The following NALF1 variants were observed in gnomAD, a reference collection of about 807,000 sequenced individuals.
NALF1 encodes the protein family with sequence similarity 155 member A.
A neutral mutation model predicts 48.4 loss-of-function variants in NALF1; 3 were observed. The observed-to-expected ratio is 0.06, with a 90% CI of 0.03 to 0.16. NALF1 has a LOEUF of 0.16. NALF1 is among the 10% of genes least tolerant of loss of function. The probability of loss-of-function intolerance (pLI) is 1.00; values close to 1 mark genes in which losing one functional copy is unlikely to be tolerated. For synonymous variants in NALF1, 262 were observed against 245.7 expected (o/e 1.07, Z -0.62); for missense variants, 526 against 571.5 (o/e 0.92, Z 0.81).
chr13:107,552,896 A>C (rs1209186598), intron 1 of NALF1, among the ~76,000 whole-genome samples: 2 of 152,172 alleles, frequency 1.3e-5, no homozygotes, highest in African/African-American at 2.4e-5. Context: ...AATATTGTGC[A>C]CAATATTAAA....
chr13:107,501,191 C>G (rs983523373), intron 1 of NALF1, among the ~76,000 whole-genome samples: 1 of 152,134 alleles, frequency 6.6e-6, no homozygotes, highest in Admixed American at 6.5e-5. Flanking sequence ...GGCAGAACAG[C>G]AAAAGAAGGA....
intron 1 of NALF1, among the ~76,000 whole-genome samples, chr13:107,859,175 G>A (rs192790317): frequency 8.5e-4 from 130 of 152,282 alleles, no homozygotes; most frequent in South Asian, 1.2e-3. Context: ...AAAACTGAGA[G>A]GTGAAGAGGC....
intron 1 of NALF1, among the ~76,000 whole-genome samples, chr13:107,794,471 GT>G (rs10649905): frequency 0.12 from 16,875 of 142,648 alleles, 1,375 homozygotes; most frequent in Admixed American, 0.25. Flanking sequence ...AGCATGCAGT[GT>G]TTTTTTTTTT....
intron 1 of NALF1, among the ~76,000 whole-genome samples, chr13:107,522,567 T>C (rs1359802525): frequency 6.6e-6 from 1 of 152,014 alleles, no homozygotes; most frequent in East Asian, 1.9e-4. Context: ...TGGTGAATGA[T>C]ATTAAATAAT....
At chr13:107,252,668 G>A (rs1274727606) in intron 1 of NALF1, among the ~76,000 whole-genome samples, 1 of 152,160 alleles carries the variant, frequency 6.6e-6, no homozygotes, top group African/African-American at 2.4e-5. Flanking sequence ...CACTCGGGGT[G>A]GGGGAAAGAG....
At chr13:107,415,529 C>A (rs1445166641) in intron 1 of NALF1, among the ~76,000 whole-genome samples, 1 of 151,850 alleles carries the variant, frequency 6.6e-6, no homozygotes, top group Non-Finnish European at 1.5e-5. Context: ...AACAACATAG[C>A]AGATTTCATT....
rs182844364 is a variant in NALF1 at position 107,394,397 on chromosome 13, A to G, written c.916-183642T>C. On this transcript the variant is annotated intron_variant, in intron 1 of 2. Transcript: ENST00000375915. ...GGTGTTTAAACTCTCTTCTAAATGT[A>G]TAGAGTATATGTGCTGTGACTATAT... Among the ~76,000 whole-genome samples, 581 of 152,284 alleles carry G rather than the reference A, an allele frequency of 3.8e-3. 3 individuals carry two copies. Among genetic ancestry groups the G allele is most frequent in the African/African-American group, 0.014 (562 of 41,576 alleles).
intron 1 of NALF1, among the ~76,000 whole-genome samples, chr13:107,723,158 G>T (rs1876037402): frequency 6.6e-6 from 1 of 152,098 alleles, no homozygotes; most frequent in Admixed American, 6.5e-5. Flanking sequence ...AACTGAGCAT[G>T]CGATTCCTGG....
intron 1 of NALF1, among the ~76,000 whole-genome samples, chr13:107,781,996 T>C (rs1419445060): frequency 6.6e-6 from 1 of 152,212 alleles, no homozygotes; most frequent in East Asian, 1.9e-4. Flanking sequence ...GTTACACTTC[T>C]GTGCAATGGT....
chr13:107,467,461 T>C (rs1224303091), intron 1 of NALF1, among the ~76,000 whole-genome samples: 1 of 151,482 alleles, frequency 6.6e-6, no homozygotes, highest in African/African-American at 2.4e-5. Context: ...ATGTGAAATA[T>C]ATTAAAATTT....
chr13:107,686,824 A>C (rs923757888), intron 1 of NALF1, among the ~76,000 whole-genome samples: 2 of 152,162 alleles, frequency 1.3e-5, no homozygotes, highest in African/African-American at 4.8e-5. Context: ...GGCGTGGAGA[A>C]AAGGATACAC....
chr13:107,207,155 C>T (rs192446920), intron 2 of NALF1, among the ~76,000 whole-genome samples: 2 of 152,170 alleles, frequency 1.3e-5, no homozygotes, highest in East Asian at 1.9e-4. Flanking sequence ...GGTTTCATAA[C>T]CTACTCTCAT....
At chr13:107,708,035 T>C (rs983197482) in intron 1 of NALF1, among the ~76,000 whole-genome samples, 2 of 151,930 alleles carry the variant, frequency 1.3e-5, no homozygotes, top group Non-Finnish European at 2.9e-5. Flanking sequence ...ATGTGTTTTC[T>C]GGATAGCACC....
At chr13:107,643,955 T>C (rs1332151334) in intron 1 of NALF1, among the ~76,000 whole-genome samples, 1 of 141,342 alleles carries the variant, frequency 7.1e-6, no homozygotes, top group African/African-American at 2.6e-5. Context: ...CCACTGAGTT[T>C]CAGATGATTT....
chr13:107,325,267 A>G (rs963141787), intron 1 of NALF1, among the ~76,000 whole-genome samples: 16 of 152,134 alleles, frequency 1.1e-4, no homozygotes, highest in African/African-American at 3.9e-4. Context: ...AATAATATAA[A>G]ATCATATAAT....
rs556795265 is a variant in NALF1 at position 107,357,644 on chromosome 13, A to G, written c.916-146889T>C. On this transcript the variant is annotated intron_variant, in intron 1 of 2. Coordinates refer to ENST00000375915, the MANE Select transcript of NALF1 (RefSeq NM_001080396.3). ...AGCTTTGAAGTATTTGAACAGATAA[A>G]TGAACAGGAAGGGCATGTCAAGAGA... Among the ~76,000 whole-genome samples the G allele has an allele frequency of 3.9e-5, 6 of 152,318 alleles. No homozygotes were observed. The East Asian group carries it at 7.7e-4, about 20-fold the overall frequency.
chr13:107,565,652 C>T lies in NALF1; in HGVS notation c.915+300030G>A, dbSNP rs1050772132. Among the ~76,000 whole-genome samples the T allele has an allele frequency of 1.2e-4, 19 of 152,244 alleles. 1 individual carries two copies. Among genetic ancestry groups the T allele is most frequent in the Admixed American group, 1.0e-3 (16 of 15,290 alleles). ...GGTGATTCTCAGTAGGTTTCAATTT[C>T]CCCATCTGCAAAATGAGACCGTGCC... On this transcript the variant is annotated intron_variant, in intron 1 of 2. Transcript: ENST00000375915.
chr13:107,784,826 A>G (rs978884493), intron 1 of NALF1, among the ~76,000 whole-genome samples: 1 of 152,166 alleles, frequency 6.6e-6, no homozygotes, highest in South Asian at 2.1e-4. Flanking sequence ...TGCAGCCACT[A>G]TGGAAAACTG....
In NALF1 at chr13:107,689,340, T is replaced by A. The variant is rs555863428; in HGVS notation, c.915+176342A>T. Among the ~76,000 whole-genome samples the A allele has an allele frequency of 1.4e-4, 21 of 152,332 alleles. 1 individual carries two copies. The East Asian group carries it at 2.9e-3, about 21-fold the overall frequency. ...TGCTACTGACTACGTTTTATGACAG[T>A]TTTTAAATAATTGATATGATATAAT... On this transcript the variant is annotated intron_variant, in intron 1 of 2. Coordinates refer to ENST00000375915, the MANE Select transcript of NALF1 (RefSeq NM_001080396.3).
Sources: allele counts gnomAD v4.1 joint callset (sites outside exome capture counted in the v4.1 genomes callset), GRCh38; gene constraint gnomAD v4.1.1; transcripts MANE v1.5; gene names NCBI Gene and HGNC (gene_info 2026-07-23, HGNC 2026-07-21).